PCDHGB3: variants seen among roughly 807,000 people sequenced by gnomAD.
PCDHGB3 encodes the protein protocadherin gamma-B3.
PCDHGB3 carries 40 observed loss-of-function variants against 59.2 expected under a neutral mutation model. That is an observed-to-expected ratio of 0.68 (90% confidence interval 0.52 to 0.88). PCDHGB3 has a LOEUF of 0.88. Ranked by LOEUF, PCDHGB3 falls within the 40% of genes least tolerant of loss-of-function variation. The pLI is 0.00. For synonymous variants in PCDHGB3, 581 were observed against 503.6 expected (o/e 1.15, Z -2.06); for missense variants, 1,309 against 1,187.9 (o/e 1.10, Z -1.50).
chr5:141,391,560 T>C (rs981712066), intron 1 of PCDHGB3: 2 of 152,242 alleles, frequency 1.3e-5, no homozygotes, highest in African/African-American at 4.8e-5. Context: ...GTTTTCCATA[T>C]GCATAAGAAA....
chr5:141,489,060 TC>T lies in PCDHGB3; in HGVS notation c.2416-5741del, dbSNP rs1037208652. 41 of 300,146 alleles carry T rather than the reference TC, an allele frequency of 1.4e-4. No individual in the cohort carries two copies. The highest frequency in any genetic ancestry group is 2.3e-4 in the Non-Finnish European group (38 of 162,914). The allele number at this position is 300,146 out of a possible 1,614,324, so 18.6% of individuals were successfully genotyped here. A position where few individuals can be genotyped will look rare whatever the true frequency, so the allele number is the denominator to read the frequency against. On this transcript the variant is annotated intron_variant, in intron 1 of 3. Coordinates refer to ENST00000576222, the MANE Select transcript of PCDHGB3 (RefSeq NM_018924.5). This position sits in a 1 kb window ranked among gnomAD's most constrained non-coding sequence, Gnocchi z 4.5. ...CAGCTCCACTCAAATTCAGCTCCCC[TC>T]CCCCCTGCCCACCCCCGCCACTCGG...
chr5:141,409,857 T>C (rs761331515), intron 1 of PCDHGB3: 2 of 1,612,228 alleles, frequency 1.2e-6, no homozygotes, highest in African/African-American at 2.7e-5. Context: ...CGCGTGTTGG[T>C]GGGAGACCGC....
rs1057107770 is a variant in PCDHGB3 at position 141,387,795 on chromosome 5, T to C, written c.2415+14986T>C. 28 of 1,499,168 alleles carry C rather than the reference T, an allele frequency of 1.9e-5. No homozygotes were observed. In the African/African-American group the frequency reaches 2.5e-4, roughly 13 times the overall value. The allele number at this position is 1,499,168 out of a possible 1,614,324, so 92.9% of individuals were successfully genotyped here. A position where few individuals can be genotyped will look rare whatever the true frequency, so the allele number is the denominator to read the frequency against. On this transcript the variant is annotated intron_variant, in intron 1 of 3. Transcript: ENST00000576222. ...TCTTGAACTGGAACTGCAACTAAAG[T>C]CCGTTCGGAGATCCAAAAATCTGCA... is the stretch of plus-strand genomic sequence containing the variant.
chr5:141,390,781 G>C (rs527538379), intron 1 of PCDHGB3: 97 of 165,826 alleles, frequency 5.8e-4, no homozygotes, highest in Non-Finnish European at 1.1e-3. Flanking sequence ...CTTCCCTTTT[G>C]TTTCAAAAGC....
At chr5:141,372,966 C>T (rs1024382365) in intron 1 of PCDHGB3, 157 bp downstream of exon 1, 3 of 687,330 alleles carry the variant, frequency 4.4e-6, no homozygotes, top group Non-Finnish European at 7.0e-6. Context: ...TGTAGAATTT[C>T]CTGTAGAATA....
intron 1 of PCDHGB3, chr5:141,419,386 G>T: frequency 2.5e-6 from 4 of 1,613,650 alleles, no homozygotes; most frequent in Non-Finnish European, 3.4e-6. Context: ...CCGTGAGCGC[G>T]CAGAGCGGGG....
rs996353495 is a variant in PCDHGB3, at chr5:141,485,101, T to G, written c.2416-9706T>G. 12 of 1,158,090 alleles carry G rather than the reference T, an allele frequency of 1.0e-5. No individual in the cohort carries two copies. Among genetic ancestry groups the G allele is most frequent in the Non-Finnish European group, 1.4e-5 (11 of 786,830 alleles). The allele number at this position is 1,158,090 out of a possible 1,614,324, so 71.7% of individuals were successfully genotyped here. ...GGAAAGGGAGATAGGTGTCTCCAGC[T>G]GCTGTGGCTGTTTGGGGCGGGTCGG... On this transcript the variant is annotated intron_variant, in intron 1 of 3. Transcript: ENST00000576222. This position sits in a 1 kb window ranked among gnomAD's most constrained non-coding sequence, Gnocchi z 5.7.
intron 1 of PCDHGB3, chr5:141,393,684 T>C (rs1399508154): frequency 9.9e-6 from 16 of 1,613,904 alleles, no homozygotes; most frequent in Non-Finnish European, 1.3e-5. Flanking sequence ...ACAAACTCCG[T>C]TATTCCAGCT....
At chr5:141,471,942 A>G (rs1163887457) in intron 1 of PCDHGB3, among the ~76,000 whole-genome samples, 1 of 152,192 alleles carries the variant, frequency 6.6e-6, no homozygotes, top group Non-Finnish European at 1.5e-5. Flanking sequence ...AGAGTTTTCT[A>G]AAACTGGATT....
intron 1 of PCDHGB3, among the ~76,000 whole-genome samples, chr5:141,381,491 A>G (rs773337977): frequency 1.7e-4 from 26 of 152,224 alleles, no homozygotes; most frequent in Non-Finnish European, 7.3e-5. Flanking sequence ...TGTTTTCTCA[A>G]TTACACTAGA....
At chr5:141,397,961 G>A in intron 1 of PCDHGB3, 1 of 1,038,400 alleles carries the variant, frequency 9.6e-7, no homozygotes, top group Non-Finnish European at 1.4e-6. Context: ...CCCCAGCTCA[G>A]ACTCCCCAGC....
At chr5:141,382,717 G>A (rs759719502) in intron 1 of PCDHGB3, 38 of 488,830 alleles carry the variant, frequency 7.8e-5, no homozygotes, top group Non-Finnish European at 9.8e-5. Flanking sequence ...AGAAACCACC[G>A]AGTTTTACAG....
intron 1 of PCDHGB3, among the ~76,000 whole-genome samples, chr5:141,467,397 TAGAA>T (rs1326936900): frequency 6.6e-6 from 1 of 152,106 alleles, no homozygotes; most frequent in Non-Finnish European, 1.5e-5. Flanking sequence ...AAGTCATAGT[TAGAA>T]AGCCTTTCCC....
chr5:141,475,553 T>A (rs1159585016), intron 1 of PCDHGB3, among the ~76,000 whole-genome samples: 2 of 152,260 alleles, frequency 1.3e-5, no homozygotes, highest in Non-Finnish European at 2.9e-5. Flanking sequence ...GTCCGGCTAA[T>A]TGTCTGTCTT....
At chr5:141,392,825 A>T in intron 1 of PCDHGB3, 1 of 1,601,466 alleles carries the variant, frequency 6.2e-7, no homozygotes. Context: ...TGGCCGCTCC[A>T]CAGAGTCGCC....
intron 2 of PCDHGB3, among the ~76,000 whole-genome samples, chr5:141,504,793 C>A (rs1256626821): frequency 9.9e-5 from 15 of 152,166 alleles, no homozygotes; most frequent in Admixed American, 3.9e-4. Context: ...GGGCCTCCTA[C>A]ATCTCCCCCT....
intron 1 of PCDHGB3, chr5:141,388,512 T>G (rs1342946669): frequency 1.2e-6 from 2 of 1,613,846 alleles, no homozygotes; most frequent in Non-Finnish European, 1.7e-6. Flanking sequence ...ATCCTACCAC[T>G]TGACTTTGAC....
At chr5:141,383,731 A>T in intron 1 of PCDHGB3, 1 of 1,614,000 alleles carries the variant, frequency 6.2e-7, no homozygotes. Context: ...TGGGGAAGTG[A>T]CATATTCTTT....
chr5:141,506,516 G>A (rs2099854579), intron 3 of PCDHGB3, among the ~76,000 whole-genome samples: 1 of 151,324 alleles, frequency 6.6e-6, no homozygotes, highest in Non-Finnish European at 1.5e-5. Flanking sequence ...CTGGCACCTG[G>A]CACCACCACT....
Sources: gnomAD v4.1 joint callset for allele counts (sites outside exome capture counted in the v4.1 genomes callset) on GRCh38, gnomAD v4.1.1 for gene constraint, Gnocchi (gnomAD v3.1) non-coding constraint, MANE v1.5 for transcripts, NCBI Gene and HGNC (gene_info 2026-07-23, HGNC 2026-07-21) for gene names.